Variants in AKAP13 observed in about 807,000 individuals in gnomAD.
The protein encoded by AKAP13 is A-kinase anchoring protein 13.
A neutral mutation model predicts 264.5 loss-of-function variants in AKAP13; 80 were observed. The ratio of observed to expected loss-of-function variants is 0.30; its 90% CI spans 0.25 to 0.36. The LOEUF is 0.36. AKAP13 is among the 10% of genes least tolerant of loss of function. The probability of loss-of-function intolerance (pLI) is 1.00; values close to 1 mark genes in which losing one functional copy is unlikely to be tolerated. For missense variants in AKAP13, 3,712 were observed against 3,435.2 expected (o/e 1.08, Z -2.01); for synonymous variants, 1,380 against 1,250.2 (o/e 1.10, Z -2.19).
At chr15:85,511,281 C>G (rs2076409180) in intron 2 of AKAP13, among the ~76,000 whole-genome samples, 1 of 152,136 alleles carries the variant, frequency 6.6e-6, no homozygotes. Context: ...CCTTCCCTTG[C>G]TGGAACACCA....
Position 85,723,022 on chromosome 15 carries a change from C to T in AKAP13, c.6497-50C>T, listed in dbSNP as rs372397685. The T allele has an allele frequency of 1.4e-4, 222 of 1,591,842 alleles. No homozygotes were observed. The African/African-American group carries it at 2.7e-3, about 19-fold the overall frequency. Reference sequence around the variant, plus strand: ...AGAAGTCAGGATTCCCTTGCTTCTGCCCTTGTCCAAAAAGAGCCATAAAAA... The same window carrying T: ...AGAAGTCAGGATTCCCTTGCTTCTGTCCTTGTCCAAAAAGAGCCATAAAAA... On this transcript the variant is annotated intron_variant, in intron 25 of 36. Transcript: ENST00000394518.
chr15:85,633,693 G>A (rs1270966665), intron 8 of AKAP13, among the ~76,000 whole-genome samples: 4 of 151,546 alleles, frequency 2.6e-5, no homozygotes, highest in East Asian at 1.9e-4. Context: ...ACAGGCGCCC[G>A]CCACCACGCC....
chr15:85,528,670 G>A (rs1175821895), intron 3 of AKAP13, among the ~76,000 whole-genome samples: 4 of 152,052 alleles, frequency 2.6e-5, no homozygotes, highest in African/African-American at 7.3e-5. Context: ...ACAGCTAATT[G>A]CCAGCATACT....
At chr15:85,662,550 C>A in intron 12 of AKAP13, 2 of 1,337,810 alleles carry the variant, frequency 1.5e-6, no homozygotes, top group Non-Finnish European at 2.1e-6. Flanking sequence ...GGCTGGGATG[C>A]ATATGGGCAG....
intron 5 of AKAP13, among the ~76,000 whole-genome samples, chr15:85,573,911 T>C (rs1448832047): frequency 6.6e-6 from 1 of 152,244 alleles, no homozygotes; most frequent in African/African-American, 2.4e-5. Context: ...TTTCTCTGTG[T>C]CAAACACCAT....
At chr15:85,427,530 C>A (rs917721653) in intron 1 of AKAP13, among the ~76,000 whole-genome samples, 1 of 152,050 alleles carries the variant, frequency 6.6e-6, no homozygotes, top group East Asian at 1.9e-4. Context: ...CGCACACACA[C>A]GCTTTAAAAG....
rs763216842 is a variant in AKAP13 at position 85,727,070 on chromosome 15, A to G, written c.6827A>G (p.Gln2276Arg). The change falls in exon 28 of 37, where the codon CAG becomes CGG. Residue 2276 changes from glutamine to arginine, a missense_variant. Around this residue, in one of 3 missense-constraint regions of AKAP13, gnomAD observed 342 missense variants for 484.3 expected, o/e 0.71. Transcript: ENST00000394518. The surrounding 1 kb of genome is among the most constrained non-coding windows in gnomAD (Gnocchi z 5.3). The part of the protein sequence containing the change: ...DQKYIFASLD[Q>R]KSTVISLKKL... The stretch of plus-strand genomic sequence containing the variant: ...TGCCCTCTTCCCTTTTTCCAGGACC[A>G]GAAGTCAACAGTGATCTCTTTAAAG... 49 of 1,614,150 alleles carry G rather than the reference A, an allele frequency of 3.0e-5. No homozygotes were observed. The highest frequency in any genetic ancestry group is 4.2e-5 in the Non-Finnish European group (49 of 1,179,992).
intron 1 of AKAP13, among the ~76,000 whole-genome samples, chr15:85,396,886 C>T (rs1370801174): frequency 2.0e-5 from 3 of 147,596 alleles, no homozygotes; most frequent in Non-Finnish European, 4.5e-5. Flanking sequence ...TTTTTGAGTC[C>T]TCTCGTATGT....
At chr15:85,620,723 G>T (rs2081147290) in intron 8 of AKAP13, among the ~76,000 whole-genome samples, 1 of 152,128 alleles carries the variant, frequency 6.6e-6, no homozygotes, top group African/African-American at 2.4e-5. Flanking sequence ...CTGACCTTTT[G>T]GCTTGGTTTG....
chr15:85,453,978 A>T (rs892788770), intron 1 of AKAP13, among the ~76,000 whole-genome samples: 1 of 152,238 alleles, frequency 6.6e-6, no homozygotes, highest in Non-Finnish European at 1.5e-5. Flanking sequence ...TCTCCAAAGC[A>T]CAAAGGCTGG....
At chr15:85,596,459 G>T (rs1418895114) in intron 8 of AKAP13, among the ~76,000 whole-genome samples, 1 of 152,000 alleles carries the variant, frequency 6.6e-6, no homozygotes, top group South Asian at 2.1e-4. Flanking sequence ...TTAGCCAGGC[G>T]TGGTGGCATG....
At chr15:85,569,791 C>G (rs996110184) in intron 5 of AKAP13, among the ~76,000 whole-genome samples, 39 of 152,036 alleles carry the variant, frequency 2.6e-4, no homozygotes, top group African/African-American at 9.4e-4. Flanking sequence ...AAAGAAAGGC[C>G]ACTGGGCCGG....
intron 1 of AKAP13, among the ~76,000 whole-genome samples, chr15:85,442,033 T>A (rs12148727): frequency 0.054 from 8,181 of 152,228 alleles, 322 homozygotes; most frequent in Non-Finnish European, 0.084. Context: ...ATCCTCTCCC[T>A]AGGGATGATT....
intron 1 of AKAP13, among the ~76,000 whole-genome samples, chr15:85,430,896 T>A (rs1449365398): frequency 6.6e-6 from 1 of 152,166 alleles, no homozygotes; most frequent in African/African-American, 2.4e-5. Flanking sequence ...AATGAAAAGA[T>A]CCCACATTCA....
intron 1 of AKAP13, among the ~76,000 whole-genome samples, chr15:85,463,150 AAAG>A (rs1036523596): frequency 1.3e-5 from 2 of 152,172 alleles, no homozygotes; most frequent in African/African-American, 4.8e-5. Context: ...AACAGAGAGA[AAAG>A]GAGATTGAAA....
At chr15:85,730,810 CA>C (rs1278477269) in intron 30 of AKAP13, 103 bp downstream of exon 30, 13 of 1,005,832 alleles carry the variant, frequency 1.3e-5, no homozygotes, top group Non-Finnish European at 1.7e-5. Context: ...AGCACAAATG[CA>C]GAAAATTACC....
chr15:85,601,427 C>T (rs1192022506), intron 8 of AKAP13, among the ~76,000 whole-genome samples: 4 of 152,196 alleles, frequency 2.6e-5, no homozygotes, highest in Non-Finnish European at 2.9e-5. Context: ...CCTAATCTCA[C>T]ATATAACTAA....
intron 2 of AKAP13, among the ~76,000 whole-genome samples, chr15:85,512,818 TATGTATGTATG>T (rs1567097242): frequency 7.0e-4 from 3 of 4,270 alleles, no homozygotes; most frequent in Non-Finnish European, 4.2e-3. Context: ...TATTTTTATG[TATGTATGTATG>T]TATGTATGTA....
intron 14 of AKAP13, among the ~76,000 whole-genome samples, chr15:85,677,369 AG>A (rs2084283343): frequency 6.6e-6 from 1 of 152,190 alleles, no homozygotes. Context: ...TCAAAGGTGT[AG>A]GGGGTGTGTT....
Sources: gnomAD v4.1 joint callset for allele counts (sites outside exome capture counted in the v4.1 genomes callset) on GRCh38, gnomAD v4.1.1 for gene constraint, gnomAD v4.1.1 regional missense constraint, Gnocchi (gnomAD v3.1) non-coding constraint, MANE v1.5 for transcripts, NCBI Gene and HGNC (gene_info 2026-07-23, HGNC 2026-07-21) for gene names.